The following L3MBTL4 variants were observed in gnomAD, a reference collection of about 807,000 sequenced individuals.
L3MBTL4 encodes the protein L3MBTL histone methyl-lysine binding protein 4, also known as lethal(3)malignant brain tumor-like protein 4.
L3MBTL4 carries 70 observed loss-of-function variants against 84.5 expected under a neutral mutation model. The observed-to-expected ratio is 0.83, with a 90% confidence interval of 0.68 to 1.01. The LOEUF (loss-of-function observed/expected upper bound fraction) is 1.01. L3MBTL4 is among the 50% of genes least tolerant of loss of function. The pLI, the probability that L3MBTL4 is intolerant of heterozygous loss-of-function variation, is 0.00. For missense variants in L3MBTL4, 715 were observed against 754.8 expected (o/e 0.95, Z 0.62); for synonymous variants, 274 against 259.8 (o/e 1.05, Z -0.52).
chr18:6,138,330 C>A lies in L3MBTL4; in HGVS notation c.1097-34G>T, dbSNP rs373092872. On this transcript the variant is annotated intron_variant, in intron 13 of 18. Coordinates refer to ENST00000317931, the MANE Select transcript of L3MBTL4 (RefSeq NM_001330559.2). ...AGTAAAAGAACATGCCTTGAAAACA[C>A]CCTCATTAAAGAAGACTGCAAATCT... 3.2e-4 allele frequency: 420 copies of A among 1,313,686 alleles called. 2 individuals are homozygous for A. In the African/African-American group the frequency reaches 5.0e-3, roughly 16 times the overall value. The allele number at this position is 1,313,686 out of a possible 1,614,324, so 81.4% of individuals were successfully genotyped here. A position where few individuals can be genotyped will look rare whatever the true frequency, so the allele number is the denominator to read the frequency against.
intron 3 of L3MBTL4, among the ~76,000 whole-genome samples, chr18:6,303,432 G>A (rs2146852619): frequency 6.6e-6 from 1 of 152,248 alleles, no homozygotes; most frequent in South Asian, 2.1e-4. Flanking sequence ...ATATGTAATA[G>A]TTTTCATTAT....
chr18:6,208,281 T>C (rs1165011889), intron 12 of L3MBTL4, among the ~76,000 whole-genome samples: 1 of 152,176 alleles, frequency 6.6e-6, no homozygotes, highest in African/African-American at 2.4e-5. Flanking sequence ...CTGCAGGTTT[T>C]TCTCAAACAA....
At chr18:6,209,668 C>A (rs1847624856) in intron 12 of L3MBTL4, among the ~76,000 whole-genome samples, 1 of 152,110 alleles carries the variant, frequency 6.6e-6, no homozygotes, top group African/African-American at 2.4e-5. Context: ...GAAATGAAAA[C>A]ATACGTCCAC....
chr18:6,247,603 C>T (rs891112388), intron 5 of L3MBTL4, among the ~76,000 whole-genome samples: 1 of 149,994 alleles, frequency 6.7e-6, no homozygotes, highest in Non-Finnish European at 1.5e-5. Context: ...CTCAGCATCC[C>T]GAGTAGCTGG....
At chr18:6,207,810 A>C (rs2045934767) in intron 12 of L3MBTL4, among the ~76,000 whole-genome samples, 1 of 152,066 alleles carries the variant, frequency 6.6e-6, no homozygotes, top group Non-Finnish European at 1.5e-5. Flanking sequence ...AGCCCTTTTC[A>C]AAAATGCATC....
chr18:6,241,319 G>T (rs2047440370), intron 8 of L3MBTL4, 39 bp downstream of exon 8: 2 of 1,136,740 alleles, frequency 1.8e-6, no homozygotes, highest in Non-Finnish European at 2.6e-6. Flanking sequence ...ATTTAAGCTT[G>T]GGGGAAATTT....
chr18:6,336,926 A>G (rs2052366681), intron 1 of L3MBTL4, among the ~76,000 whole-genome samples: 1 of 152,216 alleles, frequency 6.6e-6, no homozygotes, highest in African/African-American at 2.4e-5. Flanking sequence ...ATTAAATTAA[A>G]TTAATGAAAG....
At chr18:6,309,308 T>C (rs1233286967) in intron 3 of L3MBTL4, among the ~76,000 whole-genome samples, 1 of 152,192 alleles carries the variant, frequency 6.6e-6, no homozygotes, top group African/African-American at 2.4e-5. Flanking sequence ...ATCTGACTAA[T>C]GAAAATGAAC....
At chr18:6,306,157 A>G (rs913342265) in intron 3 of L3MBTL4, among the ~76,000 whole-genome samples, 1 of 152,228 alleles carries the variant, frequency 6.6e-6, no homozygotes, top group Non-Finnish European at 1.5e-5. Flanking sequence ...TTCACCTGCT[A>G]GTTCAAGTCC....
chr18:5,979,084 T>C lies in L3MBTL4; in HGVS notation c.1445-9522A>G, dbSNP rs116713253. On this transcript the variant is annotated intron_variant, in intron 16 of 18. Transcript: ENST00000317931. ...ACAACCAACGGGGCAGGAATAACTC[T>C]TGGGAAGGGGCAAAAGAGTGGATCC... Among the ~76,000 whole-genome samples, 728 of 152,288 alleles carry C rather than the reference T, an allele frequency of 4.8e-3. 4 individuals carry two copies. The highest frequency in any genetic ancestry group is 0.016 in the African/African-American group (662 of 41,542).
intron 1 of L3MBTL4, among the ~76,000 whole-genome samples, chr18:6,343,641 A>C (rs1324242170): frequency 6.6e-6 from 1 of 150,698 alleles, no homozygotes; most frequent in Non-Finnish European, 1.5e-5. Flanking sequence ...CAGCCTTGGC[A>C]ACAGAGCGAG....
chr18:6,140,710 C>T (rs1172950816), intron 13 of L3MBTL4, among the ~76,000 whole-genome samples: 1 of 152,110 alleles, frequency 6.6e-6, no homozygotes. Flanking sequence ...TTAATCACTC[C>T]TTGACTATTG....
At chr18:6,407,889 C>T (rs767789664) in intron 1 of L3MBTL4, among the ~76,000 whole-genome samples, 2 of 152,160 alleles carry the variant, frequency 1.3e-5, no homozygotes, top group Non-Finnish European at 2.9e-5. Flanking sequence ...AACAGTACAT[C>T]GTGGTAGGAA....
intron 5 of L3MBTL4, 107 bp downstream of exon 5, chr18:6,263,840 C>T (rs1274728824): frequency 2.2e-5 from 18 of 813,448 alleles, no homozygotes; most frequent in Non-Finnish European, 2.8e-5. Flanking sequence ...GCAGAGCCTA[C>T]AAATAATTCA....
intron 14 of L3MBTL4, among the ~76,000 whole-genome samples, chr18:6,109,775 C>T (rs2059131308): frequency 6.6e-6 from 1 of 152,130 alleles, no homozygotes; most frequent in Non-Finnish European, 1.5e-5. Context: ...ACTATGGGTC[C>T]CCGATCCTCT....
intron 16 of L3MBTL4, among the ~76,000 whole-genome samples, chr18:5,987,312 A>T (rs1378120848): frequency 4.4e-4 from 67 of 152,252 alleles, no homozygotes. Context: ...TATTTCTCAA[A>T]AGCCACATAG....
chr18:6,083,937 A>T (rs1308333913), intron 15 of L3MBTL4, among the ~76,000 whole-genome samples: 1 of 152,158 alleles, frequency 6.6e-6, no homozygotes, highest in Non-Finnish European at 1.5e-5. Flanking sequence ...AAGGGCCTGC[A>T]TCCTCTCTGA....
intron 16 of L3MBTL4, among the ~76,000 whole-genome samples, chr18:5,984,837 A>AT (rs1014866324): frequency 6.6e-6 from 1 of 152,078 alleles, no homozygotes; most frequent in Non-Finnish European, 1.5e-5. Flanking sequence ...CTTTAGGAGT[A>AT]TTTTTTTCAG....
chr18:6,157,254 C>A (rs936132003), intron 13 of L3MBTL4, among the ~76,000 whole-genome samples: 2 of 152,106 alleles, frequency 1.3e-5, no homozygotes, highest in Admixed American at 6.6e-5. Flanking sequence ...ACTAAAGATT[C>A]CTTGTGAAAT....
Sources: gnomAD v4.1 joint callset for allele counts (sites outside exome capture counted in the v4.1 genomes callset) on GRCh38, gnomAD v4.1.1 for gene constraint, MANE v1.5 for transcripts, NCBI Gene and HGNC (gene_info 2026-07-23, HGNC 2026-07-21) for gene names.